CACNA1A: variants seen among roughly 807,000 people sequenced by gnomAD.
CACNA1A encodes voltage-dependent P/Q-type calcium channel subunit alpha-1A.
A neutral mutation model predicts 262.4 loss-of-function variants in CACNA1A; 57 were observed. That is an observed-to-expected ratio of 0.22 (90% CI 0.18 to 0.27). The LOEUF (loss-of-function observed/expected upper bound fraction) is 0.27. Among genes scored for constraint, CACNA1A ranks in the 10% least tolerant of loss-of-function variants. The pLI is 1.00. For missense variants in CACNA1A, 2,526 were observed against 3,562.8 expected (o/e 0.71, Z 7.41); for synonymous variants, 1,431 against 1,419.3 (o/e 1.01, Z -0.18).
At chr19:13,418,391 G>C (rs930451536) in intron 3 of CACNA1A, among the ~76,000 whole-genome samples, 11 of 152,088 alleles carry the variant, frequency 7.2e-5, no homozygotes, top group African/African-American at 2.4e-4. Flanking sequence ...GGCTGTAGTG[G>C]GTTGAACAGT....
At chr19:13,304,633 T>A (rs1018338314) in intron 15 of CACNA1A, among the ~76,000 whole-genome samples, 9 of 71,450 alleles carry the variant, frequency 1.3e-4, no homozygotes, top group South Asian at 1.1e-3. Context: ...AAAAAAAAAA[T>A]AGATTTTTTT....
rs371109045 is a variant in CACNA1A, at chr19:13,305,240, TCCA to T, written c.1987-1359_1987-1357del. ...GAGGGTGAGGGAGCTGGGGTATTTA[TCCA>T]CCAACGGCTGCTCCTTTTAAGGTGT... On this transcript the variant is annotated intron_variant, in intron 15 of 46. Transcript: ENST00000360228. Among the ~76,000 whole-genome samples the T allele has an allele frequency of 8.8e-3, 1,338 of 152,278 alleles. 25 individuals are homozygous for T. The highest frequency in any genetic ancestry group is 0.031 in the African/African-American group (1,291 of 41,550).
chr19:13,328,073 A>G (rs2058397287), intron 10 of CACNA1A, among the ~76,000 whole-genome samples: 2 of 151,328 alleles, frequency 1.3e-5, no homozygotes, highest in South Asian at 4.2e-4. Context: ...TAAGTTTTTC[A>G]ACATTTTGTT....
chr19:13,215,961 C>G (rs2054995133), intron 38 of CACNA1A, among the ~76,000 whole-genome samples: 1 of 152,130 alleles, frequency 6.6e-6, no homozygotes, highest in South Asian at 2.1e-4. Flanking sequence ...TGCTCTGTCG[C>G]CCAGGCTAGA....
At chr19:13,307,300 T>C (rs2057925438) in intron 15 of CACNA1A, 1 of 153,516 alleles carries the variant, frequency 6.5e-6, no homozygotes, top group Admixed American at 6.5e-5. Context: ...AGTGGCGCGA[T>C]CTTGGCTCAC....
intron 6 of CACNA1A, among the ~76,000 whole-genome samples, chr19:13,341,714 CT>C (rs1285046994): frequency 6.6e-6 from 1 of 152,210 alleles, no homozygotes; most frequent in African/African-American, 2.4e-5. Flanking sequence ...GAGGCCTCCC[CT>C]GATGGCCCTT....
chr19:13,377,406 T>A (rs941146244), intron 3 of CACNA1A, among the ~76,000 whole-genome samples: 1 of 151,250 alleles, frequency 6.6e-6, no homozygotes, highest in Non-Finnish European at 1.5e-5. Context: ...AGTCTCACTC[T>A]GTCGCTGCAG....
At chr19:13,370,780 G>C (rs1851813312) in intron 4 of CACNA1A, 1 of 150,412 alleles carries the variant, frequency 6.6e-6, no homozygotes, top group Non-Finnish European at 1.5e-5. Flanking sequence ...CGGGGGGGTG[G>C]GGGTGGTGTT....
intron 3 of CACNA1A, among the ~76,000 whole-genome samples, chr19:13,418,183 G>A (rs1241210651): frequency 1.3e-5 from 2 of 152,140 alleles, no homozygotes; most frequent in Non-Finnish European, 2.9e-5. Context: ...CCCATAGAGA[G>A]AAGACATTTG....
chr19:13,274,346 AT>A (rs2057096688), intron 24 of CACNA1A: 1 of 152,144 alleles, frequency 6.6e-6, no homozygotes. Flanking sequence ...ATGGGCCACT[AT>A]TTTGGCCCTC....
chr19:13,331,765 A>G (rs1356536349), intron 9 of CACNA1A, among the ~76,000 whole-genome samples: 1 of 151,656 alleles, frequency 6.6e-6, no homozygotes, highest in Admixed American at 6.6e-5. Flanking sequence ...GGCTCAAGTG[A>G]TCCTCCCACC....
At chr19:13,295,423 G>A (rs1476126465) in intron 19 of CACNA1A, among the ~76,000 whole-genome samples, 1 of 151,918 alleles carries the variant, frequency 6.6e-6, no homozygotes, top group Non-Finnish European at 1.5e-5. Context: ...CCTCAAAGAG[G>A]TGAAAAATCT....
chr19:13,406,468 TATATATATATATATATATATA>T (rs1568614402), intron 3 of CACNA1A, among the ~76,000 whole-genome samples: 446 of 13,782 alleles, frequency 0.032, 19 homozygotes, highest in African/African-American at 0.092. Context: ...AAAAAAATTA[TATATATATATATATATATATA>T]TATATATATA....
At chr19:13,304,375 T>A (rs981098778) in intron 15 of CACNA1A, among the ~76,000 whole-genome samples, 1 of 151,922 alleles carries the variant, frequency 6.6e-6, no homozygotes, top group African/African-American at 2.4e-5. Flanking sequence ...ATGCCTGTAA[T>A]CCCAGCACTT....
At chr19:13,371,606 C>T in intron 4 of CACNA1A, 82 bp downstream of exon 4, 2 of 1,006,940 alleles carry the variant, frequency 2.0e-6, no homozygotes, top group Admixed American at 4.1e-5. Context: ...GATGTGGCCT[C>T]CTGAGATGCT....
intron 34 of CACNA1A, among the ~76,000 whole-genome samples, chr19:13,232,768 G>T (rs1254846568): frequency 1.3e-5 from 2 of 149,532 alleles, no homozygotes; most frequent in African/African-American, 2.5e-5. Context: ...CTCCCTTCAG[G>T]CCGGGTGCAG....
rs1255642304 is a variant in CACNA1A at position 13,300,671 on chromosome 19, G to A, written c.2173-15C>T. On this transcript the variant is annotated splice_polypyrimidine_tract_variant and intron_variant, in intron 17 of 46. Coordinates refer to ENST00000360228, the MANE Select transcript of CACNA1A (RefSeq NM_001127222.2). ...TCTTGCTCGTCCTAAAAGGCACGTG[G>A]AATCTTTGTTCACAAAACATGAACT... 1.9e-6 allele frequency: 3 copies of A among 1,601,752 alleles called. No homozygotes were observed. In the African/African-American group the frequency reaches 4.0e-5, roughly 21 times the overall value.
intron 1 of CACNA1A, among the ~76,000 whole-genome samples, chr19:13,475,150 T>C (rs1363593598): frequency 2.8e-4 from 42 of 152,174 alleles, no homozygotes; most frequent in Admixed American, 2.8e-3. Flanking sequence ...CCCTAAAACA[T>C]ACATCAACAT....
chr19:13,235,187 A>C, intron 33 of CACNA1A, 22 bp downstream of exon 33: 1 of 1,606,950 alleles, frequency 6.2e-7, no homozygotes, highest in Non-Finnish European at 8.5e-7. Flanking sequence ...GGCTCTGGGA[A>C]CCTTAGGGAC....
Sources: gnomAD v4.1 joint callset for allele counts (sites outside exome capture counted in the v4.1 genomes callset) on GRCh38, gnomAD v4.1.1 for gene constraint, MANE v1.5 for transcripts, NCBI Gene and HGNC (gene_info 2026-07-23, HGNC 2026-07-21) for gene names.